TTBK2: variants seen among roughly 807,000 people sequenced by gnomAD.
The protein encoded by TTBK2 is tau-tubulin kinase 2.
A neutral mutation model predicts 110.8 loss-of-function variants in TTBK2; 28 were observed. The ratio of observed to expected loss-of-function variants is 0.25; its 90% CI spans 0.19 to 0.35. The LOEUF (loss-of-function observed/expected upper bound fraction) is 0.35, where lower values mean the gene tolerates loss of function less well. Among genes scored for constraint, TTBK2 ranks in the 10% least tolerant of loss-of-function variants. The pLI, the probability that TTBK2 is intolerant of heterozygous loss-of-function variation, is 1.00. For synonymous variants in TTBK2, 532 were observed against 527.3 expected, an observed-to-expected ratio of 1.01 and a Z score of -0.12; for missense variants, 1,369 against 1,500.3, an observed-to-expected ratio of 0.91 and a Z score of 1.45.
chr15:42,801,341 G>C (rs766389505), intron 9 of TTBK2: 3 of 1,572,254 alleles, frequency 1.9e-6, no homozygotes, highest in Non-Finnish European at 2.6e-6. Flanking sequence ...GCTGCAGGGC[G>C]GCCTCCAGCT....
chr15:42,811,966 G>C (rs1891740494), intron 7 of TTBK2, among the ~76,000 whole-genome samples, 186 bp from the exon 8 acceptor site: 1 of 151,978 alleles, frequency 6.6e-6, no homozygotes, highest in Admixed American at 6.6e-5. Context: ...CTATATGGCA[G>C]AATATACAAA....
intron 3 of TTBK2, among the ~76,000 whole-genome samples, chr15:42,845,203 T>C (rs1417780114): frequency 3.9e-5 from 6 of 152,120 alleles, no homozygotes; most frequent in Non-Finnish European, 7.4e-5. Context: ...GCTAGAGGAC[T>C]TGATACGAGT....
At chr15:42,878,086 T>A (rs1289504866) in intron 2 of TTBK2, among the ~76,000 whole-genome samples, 1 of 149,816 alleles carries the variant, frequency 6.7e-6, no homozygotes, top group Non-Finnish European at 1.5e-5. Context: ...GCCATTCTCC[T>A]GCCTCAACCT....
At chr15:42,900,512 A>C (rs1317277951) in intron 1 of TTBK2, among the ~76,000 whole-genome samples, 1 of 152,030 alleles carries the variant, frequency 6.6e-6, no homozygotes, top group Non-Finnish European at 1.5e-5. Context: ...TGAGGTCACT[A>C]GTTTGAGAAT....
At chr15:42,758,348 A>T (rs1296436209) in intron 13 of TTBK2, among the ~76,000 whole-genome samples, 1 of 152,172 alleles carries the variant, frequency 6.6e-6, no homozygotes, top group African/African-American at 2.4e-5. Context: ...TTTATATAAT[A>T]CTTTATAGAA....
intron 9 of TTBK2, among the ~76,000 whole-genome samples, chr15:42,795,143 TCAAAA>T (rs895439283): frequency 3.3e-5 from 5 of 152,144 alleles, no homozygotes; most frequent in Admixed American, 2.0e-4. Context: ...CATTTATTTG[TCAAAA>T]CAAAACAAAA....
chr15:42,746,315 A>C, intron 14 of TTBK2, 58 bp from the exon 15 acceptor site: 1 of 1,343,882 alleles, frequency 7.4e-7, no homozygotes, highest in Non-Finnish European at 1.0e-6. Flanking sequence ...GTGCCTAAAA[A>C]GTCACAATGT....
At chr15:42,864,511 G>A (rs1224875538) in intron 3 of TTBK2, among the ~76,000 whole-genome samples, 1 of 151,948 alleles carries the variant, frequency 6.6e-6, no homozygotes, top group Non-Finnish European at 1.5e-5. Flanking sequence ...TTGAACCCGG[G>A]AGGCAAAGCT....
rs532875780 is a variant in TTBK2, at chr15:42,869,114, G to A, written c.217+3497C>T. ...TCTATACTTTTTTATTTGAGACAGGGTCTGGCTCCATTGCCCAAGCTAGAG... is the reference window on the plus strand; with the variant it reads ...TCTATACTTTTTTATTTGAGACAGGATCTGGCTCCATTGCCCAAGCTAGAG... On this transcript the variant is annotated intron_variant, in intron 3 of 14. Transcript: ENST00000267890. Among the ~76,000 whole-genome samples the A allele has an allele frequency of 5.3e-5, 8 of 152,116 alleles. No homozygotes were observed. In the East Asian group the frequency reaches 1.6e-3, roughly 29 times the overall value.
At chr15:42,915,793 T>C (rs926546999) in intron 1 of TTBK2, among the ~76,000 whole-genome samples, 1 of 151,764 alleles carries the variant, frequency 6.6e-6, no homozygotes, top group African/African-American at 2.4e-5. Context: ...CAAAAAATTG[T>C]AAAATTAGCC....
At chr15:42,801,130 C>G in intron 9 of TTBK2, 2 of 997,700 alleles carry the variant, frequency 2.0e-6, no homozygotes, top group Non-Finnish European at 3.2e-6. Context: ...CTTGTGAGGC[C>G]CCCATAGGCC....
chr15:42,768,920 C>T (rs942093980), intron 13 of TTBK2, among the ~76,000 whole-genome samples: 1 of 152,110 alleles, frequency 6.6e-6, no homozygotes, highest in Admixed American at 6.6e-5. Flanking sequence ...GATACATAGA[C>T]CAATGGAACA....
intron 13 of TTBK2, among the ~76,000 whole-genome samples, chr15:42,763,143 CATATATATATATACATAT>C (rs1356801885): frequency 2.2e-4 from 11 of 51,152 alleles, no homozygotes; most frequent in Non-Finnish European, 3.1e-4. Flanking sequence ...TATATACATA[CATATATATATATACATAT>C]ATATATATAT....
chr15:42,826,710 C>T (rs754580358), intron 6 of TTBK2, among the ~76,000 whole-genome samples: 1 of 152,166 alleles, frequency 6.6e-6, no homozygotes, highest in Non-Finnish European at 1.5e-5. Flanking sequence ...GTGACAGCCC[C>T]GGAGTCATTC....
At chr15:42,747,158 C>T (rs560088794) in intron 14 of TTBK2, among the ~76,000 whole-genome samples, 11 of 151,758 alleles carry the variant, frequency 7.2e-5, no homozygotes, top group Admixed American at 2.0e-4. Context: ...TGTGTAGAGA[C>T]GGTTTTGCCA....
chr15:42,858,337 C>A (rs1217646714), intron 3 of TTBK2, among the ~76,000 whole-genome samples: 1 of 152,026 alleles, frequency 6.6e-6, no homozygotes, highest in Admixed American at 6.5e-5. Context: ...GAGATACATA[C>A]TCAAAAAATT....
intron 11 of TTBK2, among the ~76,000 whole-genome samples, chr15:42,778,735 T>C (rs1446966965): frequency 6.6e-6 from 1 of 151,866 alleles, no homozygotes; most frequent in Non-Finnish European, 1.5e-5. Flanking sequence ...TGAAAAAAGA[T>C]ATTAAGAGAT....
At chr15:42,791,878 G>A (rs188974142) in intron 10 of TTBK2, among the ~76,000 whole-genome samples, 12 of 151,766 alleles carry the variant, frequency 7.9e-5, no homozygotes, top group East Asian at 1.9e-4. Context: ...GTGGTGGCTC[G>A]TGCCTGTGAT....
intron 1 of TTBK2, among the ~76,000 whole-genome samples, chr15:42,904,535 G>A (rs778470937): frequency 2.0e-5 from 3 of 152,018 alleles, no homozygotes; most frequent in East Asian, 1.9e-4. Context: ...TAATGAATTC[G>A]GACAAAGATG....
Sources: gnomAD v4.1 joint callset for allele counts (sites outside exome capture counted in the v4.1 genomes callset) on GRCh38, gnomAD v4.1.1 for gene constraint, MANE v1.5 for transcripts, NCBI Gene and HGNC (gene_info 2026-07-23, HGNC 2026-07-21) for gene names.